The following STPG2 variants were observed in gnomAD, a reference collection of about 807,000 sequenced individuals.
STPG2 encodes sperm-tail PG-rich repeat-containing protein 2.
STPG2 carries 56 observed loss-of-function variants against 54.2 expected under a neutral mutation model. The ratio of observed to expected loss-of-function variants is 1.03; its 90% confidence interval spans 0.83 to 1.29. STPG2 has a LOEUF of 1.29. Among genes scored for constraint, STPG2 ranks in the 50% most tolerant of loss-of-function variants. The pLI is 0.00. For synonymous variants in STPG2, 200 were observed against 181.8 expected, an observed-to-expected ratio of 1.10 and a Z score of -0.81; for missense variants, 596 against 544.9, an observed-to-expected ratio of 1.09 and a Z score of -0.93.
chr4:98,086,461 A>G (rs1738515805), intron 5 of STPG2, among the ~76,000 whole-genome samples: 1 of 152,064 alleles, frequency 6.6e-6, no homozygotes. Context: ...ATGTACATAT[A>G]ATAAGATTTA....
intron 4 of STPG2, among the ~76,000 whole-genome samples, chr4:97,522,894 G>A (rs1413699620): frequency 1.3e-5 from 2 of 151,924 alleles, no homozygotes; most frequent in African/African-American, 4.8e-5. Context: ...GGCTTGAAGA[G>A]AATAATCATT....
chr4:97,920,192 T>C (rs1249599818), intron 8 of STPG2, among the ~76,000 whole-genome samples: 2 of 152,320 alleles, frequency 1.3e-5, no homozygotes, highest in East Asian at 3.9e-4. Context: ...ATCAATCTAG[T>C]GCAGTCTTTC....
At chr4:98,114,640 T>C (rs1300827318) in intron 3 of STPG2, among the ~76,000 whole-genome samples, 1 of 151,972 alleles carries the variant, frequency 6.6e-6, no homozygotes, top group Non-Finnish European at 1.5e-5. Context: ...TTTACATTAT[T>C]GAGATTTTAT....
chr4:97,599,369 C>G lies in STPG2; in HGVS notation c.1321-40252G>C, dbSNP rs146443061. ...CTCAAAGAACTTAGAACAGAACTACCATTTGACTCAGCAATCCCATTATTG... is the reference window on the plus strand; with the variant it reads ...CTCAAAGAACTTAGAACAGAACTACGATTTGACTCAGCAATCCCATTATTG... On this transcript the variant is annotated intron_variant, in intron 10 of 10. Coordinates refer to ENST00000295268, the MANE Select transcript of STPG2 (RefSeq NM_174952.3). Among the ~76,000 whole-genome samples the G allele has an allele frequency of 5.9e-5, 9 of 152,268 alleles. No homozygotes were observed. The East Asian group carries it at 1.7e-3, about 29-fold the overall frequency.
chr4:98,041,253 C>T (rs10028584), intron 5 of STPG2, among the ~76,000 whole-genome samples: 59,345 of 151,472 alleles, frequency 0.39, 11,825 homozygotes, highest in Middle Eastern at 0.46. Flanking sequence ...GGGTTTTCTA[C>T]ACACAATTTC....
At chr4:97,720,948 A>C (rs1202956305) in intron 9 of STPG2, among the ~76,000 whole-genome samples, 1 of 152,000 alleles carries the variant, frequency 6.6e-6, no homozygotes, top group Non-Finnish European at 1.5e-5. Context: ...CTGTGGTAGA[A>C]TGCAATGTGA....
chr4:97,724,711 C>G (rs1724562892), intron 9 of STPG2, among the ~76,000 whole-genome samples: 1 of 152,038 alleles, frequency 6.6e-6, no homozygotes, highest in Non-Finnish European at 1.5e-5. Context: ...ATTAGGTATT[C>G]TATCCTTAGG....
intron 8 of STPG2, among the ~76,000 whole-genome samples, chr4:97,891,755 T>TC: frequency 1.3e-5 from 2 of 152,252 alleles, no homozygotes; most frequent in Admixed American, 1.3e-4. Context: ...AAGAAGAGGA[T>TC]GAATTTTCTG....
chr4:97,974,595 C>T (rs1734442300), intron 6 of STPG2, among the ~76,000 whole-genome samples: 1 of 152,100 alleles, frequency 6.6e-6, no homozygotes, highest in Admixed American at 6.6e-5. Context: ...GGGGGTGGGT[C>T]TTTCCCGTGT....
chr4:97,734,401 T>G (rs1724904948), intron 9 of STPG2, among the ~76,000 whole-genome samples: 1 of 152,184 alleles, frequency 6.6e-6, no homozygotes, highest in South Asian at 2.1e-4. Flanking sequence ...GTAATTTTCC[T>G]GATTCTCTCC....
intron 9 of STPG2, among the ~76,000 whole-genome samples, chr4:97,716,466 A>G (rs986681853): frequency 1.3e-5 from 2 of 152,198 alleles, no homozygotes; most frequent in Non-Finnish European, 2.9e-5. Flanking sequence ...CATCAATGAT[A>G]GACTAGATAA....
intron 8 of STPG2, among the ~76,000 whole-genome samples, chr4:97,900,539 C>T (rs1043904650): frequency 1.1e-4 from 17 of 151,618 alleles, no homozygotes; most frequent in African/African-American, 4.1e-4. Flanking sequence ...CCATTAATGA[C>T]AGACTGGATA....
intron 9 of STPG2, among the ~76,000 whole-genome samples, chr4:97,799,815 T>G (rs1727323073): frequency 6.6e-6 from 1 of 152,216 alleles, no homozygotes; most frequent in African/African-American, 2.4e-5. Flanking sequence ...CACTTTCAGG[T>G]ACACCAGTCA....
intron 9 of STPG2, among the ~76,000 whole-genome samples, chr4:97,719,825 T>C (rs1230840030): frequency 6.6e-6 from 1 of 151,966 alleles, no homozygotes; most frequent in Non-Finnish European, 1.5e-5. Flanking sequence ...TTAGTAATTG[T>C]CCATGAAAAG....
chr4:97,450,227 C>T (rs1729330583), intron 4 of STPG2, among the ~76,000 whole-genome samples: 2 of 152,100 alleles, frequency 1.3e-5, no homozygotes, highest in Non-Finnish European at 2.9e-5. Context: ...CAAAATATTT[C>T]ATGATTTATA....
At chr4:97,968,194 C>G (rs577138041) in intron 7 of STPG2, among the ~76,000 whole-genome samples, 2 of 152,224 alleles carry the variant, frequency 1.3e-5, no homozygotes, top group South Asian at 2.1e-4. Flanking sequence ...ACCAACCCCA[C>G]AGAAATACAA....
chr4:97,693,050 C>T (rs1341068288), intron 10 of STPG2, among the ~76,000 whole-genome samples: 1 of 151,764 alleles, frequency 6.6e-6, no homozygotes, highest in South Asian at 2.1e-4. Context: ...ACAAGTAGCT[C>T]TAAACCTTGA....
chr4:97,781,246 G>T (rs901015025), intron 9 of STPG2, among the ~76,000 whole-genome samples: 26 of 152,134 alleles, frequency 1.7e-4, no homozygotes, highest in African/African-American at 6.3e-4. Flanking sequence ...CGATAAAGGA[G>T]ATATCACCAC....
chr4:97,954,037 T>C (rs573823482), intron 7 of STPG2, among the ~76,000 whole-genome samples: 2 of 152,186 alleles, frequency 1.3e-5, no homozygotes, highest in African/African-American at 4.8e-5. Flanking sequence ...ACGTTAAAAA[T>C]TTCCAAAACA....
Sources: gnomAD v4.1 joint callset for allele counts (sites outside exome capture counted in the v4.1 genomes callset) on GRCh38, gnomAD v4.1.1 for gene constraint, MANE v1.5 for transcripts, NCBI Gene and HGNC (gene_info 2026-07-23, HGNC 2026-07-21) for gene names.